KCTD2: variants seen among roughly 807,000 people sequenced by gnomAD.
The protein encoded by KCTD2 is potassium channel tetramerization domain containing 2, also known as BTB/POZ domain-containing protein KCTD2.
A neutral mutation model predicts 27.9 loss-of-function variants in KCTD2; 18 were observed. The observed-to-expected ratio is 0.64, with a 90% CI of 0.45 to 0.96. The LOEUF is 0.96. Among genes scored for constraint, KCTD2 ranks in the 40% least tolerant of loss-of-function variants. KCTD2 has a pLI of 0.00. For synonymous variants in KCTD2, 175 were observed against 148.4 expected (o/e 1.18, Z -1.30); for missense variants, 280 against 348.0 (o/e 0.80, Z 1.56).
intron 1 of KCTD2, chr17:75,049,009 G>A (rs1474977551): frequency 2.3e-6 from 1 of 432,950 alleles, no homozygotes; most frequent in Non-Finnish European, 4.1e-6. Context: ...TACCTAAGAT[G>A]ATCTTAATGT....
intron 2 of KCTD2, among the ~76,000 whole-genome samples, chr17:75,034,271 G>C (rs1461466083): frequency 1.3e-5 from 2 of 152,214 alleles, no homozygotes; most frequent in South Asian, 4.2e-4. Flanking sequence ...CGGAGAACCA[G>C]AGGTAAATGA....
At chr17:75,054,516 T>C (rs2073329350) in intron 3 of KCTD2, among the ~76,000 whole-genome samples, 1 of 152,170 alleles carries the variant, frequency 6.6e-6, no homozygotes, top group Non-Finnish European at 1.5e-5. Flanking sequence ...CTCAAGAAGC[T>C]TGAAGTCGGC....
At chr17:75,050,250 G>A (rs1462028006) in intron 2 of KCTD2, among the ~76,000 whole-genome samples, 1 of 151,930 alleles carries the variant, frequency 6.6e-6, no homozygotes, top group Non-Finnish European at 1.5e-5. Context: ...TAAGTACCTA[G>A]TAGGTGTATA....
Position 75,056,952 on chromosome 17 carries a change from C to CTTTTTTTTTT in KCTD2, c.541-2548_541-2539dup, listed in dbSNP as rs35875644. ...CTCTGTTTCTTTTTTTTTCTTTTTT[C>CTTTTTTTTTT]TTTTTTTTTTTTTTTTTTTGGAGAC... is the stretch of plus-strand genomic sequence containing the variant. On this transcript the variant is annotated intron_variant, in intron 3 of 5. Coordinates refer to ENST00000322444, the MANE Select transcript of KCTD2 (RefSeq NM_015353.3). Among the ~76,000 whole-genome samples, 19 of 108,006 alleles carry CTTTTTTTTTT rather than the reference C, an allele frequency of 1.8e-4. 1 individual carries two copies. Among genetic ancestry groups the CTTTTTTTTTT allele is most frequent in the African/African-American group, 3.3e-4 (9 of 27,650 alleles). 70.9% of individuals were successfully genotyped at this position (108,006 alleles called of 152,430 possible).
upstream of KCTD2, among the ~76,000 whole-genome samples, chr17:75,045,186 A>G (rs974581578): frequency 6.6e-6 from 1 of 152,208 alleles, no homozygotes; most frequent in Non-Finnish European, 1.5e-5. Flanking sequence ...GGGAGTTTCA[A>G]AAGGGGAGGG....
At chr17:75,062,990 C>T (rs2073419986) in intron 5 of KCTD2, 28 bp from the exon 6 acceptor site, 2 of 1,613,620 alleles carry the variant, frequency 1.2e-6, no homozygotes, top group Admixed American at 1.7e-5. Context: ...TCAGCAGCCT[C>T]AGCCTCTCCC....
intron 4 of KCTD2, among the ~76,000 whole-genome samples, chr17:75,060,794 C>T (rs1295494762): frequency 6.6e-6 from 1 of 152,238 alleles, no homozygotes. Context: ...AACAGGTCAA[C>T]AGCTGTCTCA....
Position 75,056,116 on chromosome 17 carries a change from T to C in KCTD2, c.540+3011T>C, listed in dbSNP as rs562685897. The stretch of plus-strand genomic sequence containing the variant: ...TGAAAAATTAACTCTTTTATCCACT[T>C]TATCTCCAGCAGTTTGCAAAAGTGA... On this transcript the variant is annotated intron_variant, in intron 3 of 5. Coordinates refer to ENST00000322444, the MANE Select transcript of KCTD2 (RefSeq NM_015353.3). Among the ~76,000 whole-genome samples the C allele has an allele frequency of 2.0e-5, 3 of 152,360 alleles. No individual in the cohort carries two copies. The South Asian group carries it at 6.2e-4, about 32-fold the overall frequency.
chr17:75,051,616 T>G (rs1449324912), intron 2 of KCTD2, among the ~76,000 whole-genome samples: 2 of 151,628 alleles, frequency 1.3e-5, no homozygotes, highest in Admixed American at 6.6e-5. Flanking sequence ...TGCATTGTCC[T>G]TCATTCTCTA....
intron 2 of KCTD2, among the ~76,000 whole-genome samples, chr17:75,052,727 C>A (rs966931909): frequency 6.6e-6 from 1 of 151,472 alleles, no homozygotes; most frequent in Non-Finnish European, 1.5e-5. Flanking sequence ...CTGTTTCGGG[C>A]GGGGGGAAAA....
intron 2 of KCTD2, 98 bp downstream of exon 2, chr17:75,049,426 C>T (rs1234125125): frequency 6.7e-6 from 5 of 742,440 alleles, no homozygotes; most frequent in African/African-American, 3.5e-5. Context: ...TCATCAGGCG[C>T]ATGTGCAGGT....
chr17:75,036,907 G>A (rs1018444149), intron 3 of KCTD2, among the ~76,000 whole-genome samples: 2 of 152,082 alleles, frequency 1.3e-5, no homozygotes, highest in African/African-American at 4.8e-5. Flanking sequence ...AGTAGACTCC[G>A]CCCCTCCGCT....
chr17:75,054,670 G>A (rs2073331682), intron 3 of KCTD2, among the ~76,000 whole-genome samples: 1 of 152,106 alleles, frequency 6.6e-6, no homozygotes, highest in Admixed American at 6.6e-5. Context: ...AGCCAGGCAT[G>A]GTGATGGGTG....
At chr17:75,035,584 G>A (rs1234725428) in intron 3 of KCTD2, among the ~76,000 whole-genome samples, 1 of 151,958 alleles carries the variant, frequency 6.6e-6, no homozygotes, top group African/African-American at 2.4e-5. Flanking sequence ...ACTTTGGGAG[G>A]CTGAGGCGGG....
chr17:75,039,493 G>A (rs565548039), intron 3 of KCTD2: 18 of 528,400 alleles, frequency 3.4e-5, no homozygotes, highest in East Asian at 3.2e-4. Flanking sequence ...GGCAGCACCC[G>A]GCTGCTTCTG....
intron 2 of KCTD2, among the ~76,000 whole-genome samples, chr17:75,050,418 T>A (rs1350645016): frequency 6.6e-6 from 1 of 151,964 alleles, no homozygotes. Flanking sequence ...TGCACCACCA[T>A]GCTTGACTAA....
At chr17:75,034,514 G>A (rs765681666) in intron 2 of KCTD2, among the ~76,000 whole-genome samples, 15 of 152,256 alleles carry the variant, frequency 9.9e-5, no homozygotes, top group East Asian at 9.7e-4. Flanking sequence ...GCGGTAAGAC[G>A]CTAAACCCAC....
At chr17:75,038,275 C>A (rs61410279) in intron 3 of KCTD2, among the ~76,000 whole-genome samples, 1 of 151,818 alleles carries the variant, frequency 6.6e-6, no homozygotes, top group Non-Finnish European at 1.5e-5. Context: ...GCTGGGATTA[C>A]AGGCGCCCCC....
chr17:75,046,657 G>A (rs1204871408), upstream of KCTD2, among the ~76,000 whole-genome samples: 1 of 152,238 alleles, frequency 6.6e-6, no homozygotes, highest in Non-Finnish European at 1.5e-5. Flanking sequence ...CGCTGGGAGC[G>A]GACTGCACGA....
Sources: gnomAD v4.1 joint callset for allele counts (sites outside exome capture counted in the v4.1 genomes callset) on GRCh38, gnomAD v4.1.1 for gene constraint, MANE v1.5 for transcripts, NCBI Gene and HGNC (gene_info 2026-07-23, HGNC 2026-07-21) for gene names.